The following CTNNA3 variants were observed in gnomAD, a reference collection of about 807,000 sequenced individuals.
CTNNA3 encodes the protein catenin alpha 3, also known as catenin alpha-3.
Under a neutral mutation model 95.7 loss-of-function variants are expected in CTNNA3, and 76 were observed. The ratio of observed to expected loss-of-function variants is 0.79; its 90% CI spans 0.66 to 0.96. The LOEUF (loss-of-function observed/expected upper bound fraction) is 0.96. CTNNA3 is among the 40% of genes least tolerant of loss of function. CTNNA3 has a pLI of 0.00. For synonymous variants in CTNNA3, 431 were observed against 374.4 expected (o/e 1.15, Z -1.74); for missense variants, 1,191 against 1,089.8 (o/e 1.09, Z -1.31).
intron 5 of CTNNA3, among the ~76,000 whole-genome samples, chr10:67,493,127 GT>G (rs543570105): frequency 2.7e-5 from 4 of 148,600 alleles, no homozygotes; most frequent in Non-Finnish European, 6.0e-5. Flanking sequence ...GTTTTGTTTT[GT>G]TTTTTTAAAA....
At chr10:66,965,207 G>T (rs1849331748) in intron 7 of CTNNA3, among the ~76,000 whole-genome samples, 1 of 151,966 alleles carries the variant, frequency 6.6e-6, no homozygotes, top group African/African-American at 2.4e-5. Flanking sequence ...TCCAGGTTGT[G>T]TTTAAAAAGC....
At chr10:67,681,975 G>A (rs1451575788) in intron 1 of CTNNA3, among the ~76,000 whole-genome samples, 1 of 151,894 alleles carries the variant, frequency 6.6e-6, no homozygotes, top group Non-Finnish European at 1.5e-5. Context: ...GGCTAACACA[G>A]TAAAACCCCA....
chr10:66,293,039 C>T (rs954647717), intron 12 of CTNNA3, among the ~76,000 whole-genome samples: 18 of 152,030 alleles, frequency 1.2e-4, no homozygotes, highest in African/African-American at 3.9e-4. Context: ...TAGATATTTA[C>T]TTATTGATAT....
At chr10:66,960,872 A>T (rs1925565) in intron 7 of CTNNA3, among the ~76,000 whole-genome samples, 3 of 152,086 alleles carry the variant, frequency 2.0e-5, no homozygotes, top group Non-Finnish European at 4.4e-5. Context: ...GAAGGAAAGG[A>T]TCTGTAGAAA....
In CTNNA3 at chr10:65,966,729, A is replaced by G. The variant is rs372435356; in HGVS notation, c.2283T>C (p.Cys761=). ...QIANQCPDPS[C]KQDLLAYLEQ... is the part of the protein sequence containing the mutation. ...CCAGGTAGGCCAACAAGTCCTGTTT[A>G]CAAGATGGATCTGGGCACTAAATAT... The change falls in exon 17 of 18, where the codon TGT becomes TGC. Residue 761 remains cysteine (C), a synonymous_variant. Coordinates refer to ENST00000433211, the MANE Select transcript of CTNNA3 (RefSeq NM_013266.4). 1 of 1,612,250 alleles carries G rather than the reference A, an allele frequency of 6.2e-7. No homozygotes were observed. Among genetic ancestry groups the G allele is most frequent in the Non-Finnish European group, 8.5e-7 (1 of 1,178,584 alleles).
intron 11 of CTNNA3, among the ~76,000 whole-genome samples, chr10:66,493,740 G>C (rs1840006869): frequency 6.6e-6 from 1 of 150,808 alleles, no homozygotes; most frequent in South Asian, 2.1e-4. Flanking sequence ...CAAGTAGCTG[G>C]GATTACAGGC....
At chr10:66,928,383 G>A in intron 7 of CTNNA3, 2 of 1,614,150 alleles carry the variant, frequency 1.2e-6, no homozygotes, top group Non-Finnish European at 1.7e-6. Context: ...CCAACACGGA[G>A]ACCAGCGAGA....
chr10:66,739,741 G>A (rs1410919366), intron 9 of CTNNA3, among the ~76,000 whole-genome samples: 1 of 152,112 alleles, frequency 6.6e-6, no homozygotes, highest in Non-Finnish European at 1.5e-5. Context: ...TTTTTAGTGG[G>A]GGATTAAATA....
chr10:66,374,802 A>G (rs547263377), intron 12 of CTNNA3, among the ~76,000 whole-genome samples: 1 of 151,586 alleles, frequency 6.6e-6, no homozygotes, highest in Non-Finnish European at 1.5e-5. Flanking sequence ...TTTTTTCTAG[A>G]GACGGGGTTT....
At chr10:66,315,144 C>G (rs990237154) in intron 12 of CTNNA3, among the ~76,000 whole-genome samples, 2 of 151,142 alleles carry the variant, frequency 1.3e-5, no homozygotes, top group Non-Finnish European at 3.0e-5. Flanking sequence ...TTTTTTTTCT[C>G]TACTAGAAGT....
chr10:66,284,002 AGAGG>A (rs2091539280), intron 12 of CTNNA3, among the ~76,000 whole-genome samples: 1 of 151,890 alleles, frequency 6.6e-6, no homozygotes, highest in South Asian at 2.1e-4. Flanking sequence ...TTGATCAAAG[AGAGG>A]GATACCTTAA....
chr10:66,421,897 G>GATGTGTATATATATATATATATATAT, intron 11 of CTNNA3, among the ~76,000 whole-genome samples: 2 of 108,150 alleles, frequency 1.8e-5, no homozygotes, highest in African/African-American at 3.5e-5. Context: ...TAATAAATGT[G>GATGTGTATATATATATATATATATAT]ATATATATAT....
At chr10:66,346,101 A>G (rs1414390274) in intron 12 of CTNNA3, among the ~76,000 whole-genome samples, 2 of 146,024 alleles carry the variant, frequency 1.4e-5, no homozygotes, top group Non-Finnish European at 3.0e-5. Flanking sequence ...AAAAAAGAAT[A>G]TTTAGTTGGA....
chr10:66,287,286 GC>G (rs2091604518), intron 12 of CTNNA3, among the ~76,000 whole-genome samples: 1 of 152,068 alleles, frequency 6.6e-6, no homozygotes, highest in Non-Finnish European at 1.5e-5. Context: ...CAGAATGAGA[GC>G]CCCTTGCCTC....
intron 12 of CTNNA3, among the ~76,000 whole-genome samples, chr10:66,311,905 A>G (rs919584145): frequency 4.6e-5 from 7 of 152,236 alleles, no homozygotes; most frequent in South Asian, 2.1e-4. Flanking sequence ...GCCATGTTCT[A>G]TCTTCTAAAT....
intron 2 of CTNNA3, among the ~76,000 whole-genome samples, chr10:67,621,986 C>T (rs899994968): frequency 6.6e-6 from 1 of 152,168 alleles, no homozygotes; most frequent in African/African-American, 2.4e-5. Context: ...GTCCCCAAAA[C>T]TGAAACTATT....
chr10:67,685,097 T>C (rs1189881820), intron 1 of CTNNA3, among the ~76,000 whole-genome samples: 2 of 152,214 alleles, frequency 1.3e-5, no homozygotes, highest in African/African-American at 2.4e-5. Flanking sequence ...AGAGTAAGGA[T>C]AGATTTTGTT....
At chr10:67,592,458 C>A (rs1444858748) in intron 3 of CTNNA3, among the ~76,000 whole-genome samples, 1 of 151,982 alleles carries the variant, frequency 6.6e-6, no homozygotes, top group African/African-American at 2.4e-5. Flanking sequence ...CTTCCACTCG[C>A]CGAACTATGG....
chr10:67,426,358 T>C (rs1406182769), intron 5 of CTNNA3, among the ~76,000 whole-genome samples: 1 of 152,066 alleles, frequency 6.6e-6, no homozygotes, highest in Non-Finnish European at 1.5e-5. Flanking sequence ...CTATTTCTGA[T>C]TTCCAAGTGC....
Sources: gnomAD v4.1 joint callset for allele counts (sites outside exome capture counted in the v4.1 genomes callset) on GRCh38, gnomAD v4.1.1 for gene constraint, MANE v1.5 for transcripts, NCBI Gene and HGNC (gene_info 2026-07-23, HGNC 2026-07-21) for gene names.